DNM3: variants seen among roughly 807,000 people sequenced by gnomAD.
The protein encoded by DNM3 is dynamin-3.
In DNM3, 47 loss-of-function variants were observed where a neutral mutation model predicts 101.6. The observed-to-expected ratio is 0.46, with a 90% CI of 0.37 to 0.59. The LOEUF (loss-of-function observed/expected upper bound fraction) is 0.59. Among genes scored for constraint, DNM3 ranks in the 20% least tolerant of loss-of-function variants. DNM3 has a pLI of 0.00. For synonymous variants in DNM3, 385 were observed against 387.9 expected, an observed-to-expected ratio of 0.99 and a Z score of 0.09; for missense variants, 849 against 1,085.7, an observed-to-expected ratio of 0.78 and a Z score of 3.06.
chr1:172,100,689 A>G (rs1246223785), intron 13 of DNM3, among the ~76,000 whole-genome samples: 8 of 152,194 alleles, frequency 5.3e-5, no homozygotes, highest in Non-Finnish European at 1.2e-4. Context: ...CCCTGGAAAA[A>G]AGGGAATTTG....
At chr1:172,001,479 T>C (rs2046356018) in intron 4 of DNM3, among the ~76,000 whole-genome samples, 1 of 152,008 alleles carries the variant, frequency 6.6e-6, no homozygotes, top group Non-Finnish European at 1.5e-5. Context: ...AACTGTGCCT[T>C]TTATCTTCTG....
chr1:172,406,777 T>A (rs1181625590), intron 20 of DNM3, among the ~76,000 whole-genome samples: 1 of 152,020 alleles, frequency 6.6e-6, no homozygotes. Context: ...TTCAATTTGA[T>A]CAATATAGAG....
chr1:172,159,952 A>G (rs631154), intron 14 of DNM3, among the ~76,000 whole-genome samples: 119,542 of 151,722 alleles, frequency 0.79, 48,218 homozygotes, highest in East Asian at 1. Flanking sequence ...CTATAAACCC[A>G]TACAGCATGT....
intron 14 of DNM3, chr1:172,131,679 A>G (rs1403143793): frequency 8.0e-6 from 2 of 249,386 alleles, no homozygotes; most frequent in African/African-American, 4.6e-5. Context: ...ATATTGATGC[A>G]CAGTTAATAA....
chr1:172,286,068 TTATA>T (rs143628364), intron 15 of DNM3, among the ~76,000 whole-genome samples: 2 of 147,486 alleles, frequency 1.4e-5, no homozygotes, highest in East Asian at 3.9e-4. Context: ...AGTGAGTTAT[TTATA>T]TATATATATA....
Position 172,001,224 on chromosome 1 carries a change from T to C in DNM3, c.589+12076T>C, listed in dbSNP as rs1322237181. ...CTTTTGATCGTATTGAGTTTATTTA[T>C]GATGGCTGAATATCTGCCTATCCTG... On this transcript the variant is annotated intron_variant, in intron 4 of 20. Transcript: ENST00000627582. Among the ~76,000 whole-genome samples, 5 of 152,076 alleles carry C rather than the reference T, an allele frequency of 3.3e-5. No individual in the cohort carries two copies. The East Asian group carries it at 9.7e-4, about 29-fold the overall frequency.
chr1:172,339,535 A>T (rs1271367381), intron 17 of DNM3, among the ~76,000 whole-genome samples: 1 of 152,174 alleles, frequency 6.6e-6, no homozygotes, highest in Non-Finnish European at 1.5e-5. Context: ...AAGCACCCAG[A>T]GGTGTAACAA....
At chr1:172,024,100 C>T (rs796445847) in intron 4 of DNM3, among the ~76,000 whole-genome samples, 19 of 151,778 alleles carry the variant, frequency 1.3e-4, no homozygotes, top group African/African-American at 4.6e-4. Context: ...ATCTTTTTTT[C>T]CTTCAGGTTT....
At chr1:172,029,324 A>G (rs1475418520) in intron 4 of DNM3, among the ~76,000 whole-genome samples, 1 of 134,032 alleles carries the variant, frequency 7.5e-6, no homozygotes, top group Non-Finnish European at 1.6e-5. Context: ...GATTATCCCA[A>G]TAGATGCAGA....
Position 172,211,530 on chromosome 1 carries a change from AT to A in DNM3, c.1660-42036del, listed in dbSNP as rs371823659. 6.4e-4 allele frequency among the ~76,000 whole-genome samples: 97 copies of A among 152,078 alleles called. 2 individuals are homozygous for A. The East Asian group carries it at 0.015, about 23-fold the overall frequency. ...ATGAAATTGATTACTGTCTGAAAGG[AT>A]TTTTTTCCCCTTTTCAAAATAGCAA... is the stretch of plus-strand genomic sequence containing the variant. On this transcript the variant is annotated intron_variant, in intron 14 of 20. Coordinates refer to ENST00000627582, the MANE Select transcript of DNM3 (RefSeq NM_015569.5).
At chr1:172,189,567 T>C (rs2059632687) in intron 14 of DNM3, among the ~76,000 whole-genome samples, 1 of 152,092 alleles carries the variant, frequency 6.6e-6, no homozygotes, top group African/African-American at 2.4e-5. Flanking sequence ...ATCTTTTTCA[T>C]ATGTTAGTAG....
chr1:172,414,616 T>C (rs918699134), downstream of DNM3, among the ~76,000 whole-genome samples: 1 of 152,186 alleles, frequency 6.6e-6, no homozygotes, highest in Non-Finnish European at 1.5e-5. Context: ...TTGAGTGTGA[T>C]TTCCTCAGTA....
chr1:172,319,526 A>T (rs2148903566), intron 16 of DNM3, among the ~76,000 whole-genome samples: 1 of 152,184 alleles, frequency 6.6e-6, no homozygotes, highest in Non-Finnish European at 1.5e-5. Context: ...AACTCAAACA[A>T]ATTTACAAGA....
At chr1:171,963,789 C>G (rs1355708291) in intron 2 of DNM3, among the ~76,000 whole-genome samples, 1 of 150,082 alleles carries the variant, frequency 6.7e-6, no homozygotes, top group South Asian at 2.1e-4. Context: ...TATAAAATCA[C>G]AGCCAAAAAA....
chr1:171,983,065 C>G (rs2044931604), intron 2 of DNM3, among the ~76,000 whole-genome samples: 1 of 152,094 alleles, frequency 6.6e-6, no homozygotes, highest in Non-Finnish European at 1.5e-5. Context: ...ATGAGCATGC[C>G]ATTAATTTGC....
intron 1 of DNM3, among the ~76,000 whole-genome samples, chr1:171,846,316 A>C (rs888383123): frequency 6.6e-6 from 1 of 152,202 alleles, no homozygotes; most frequent in Non-Finnish European, 1.5e-5. Flanking sequence ...AATATAACTA[A>C]GATAACTAGA....
At chr1:172,069,713 G>T (rs1267472859) in intron 11 of DNM3, among the ~76,000 whole-genome samples, 1 of 152,148 alleles carries the variant, frequency 6.6e-6, no homozygotes, top group Non-Finnish European at 1.5e-5. Flanking sequence ...CTGGACTTAG[G>T]CCATGTGCTC....
At chr1:171,950,540 A>G (rs76723091) in intron 2 of DNM3, among the ~76,000 whole-genome samples, 1,765 of 152,206 alleles carry the variant, frequency 0.012, 32 homozygotes, top group African/African-American at 0.04. Context: ...GACTTAAAAT[A>G]TTTTCAACTT....
chr1:172,287,984 C>A (rs935881690), intron 15 of DNM3, among the ~76,000 whole-genome samples: 1 of 151,936 alleles, frequency 6.6e-6, no homozygotes, highest in East Asian at 1.9e-4. Context: ...TGTGTCTGAC[C>A]AAGGAAAAGT....
Sources: gnomAD v4.1 joint callset for allele counts (sites outside exome capture counted in the v4.1 genomes callset) on GRCh38, gnomAD v4.1.1 for gene constraint, MANE v1.5 for transcripts, NCBI Gene and HGNC (gene_info 2026-07-23, HGNC 2026-07-21) for gene names.